MUC13: variants seen among roughly 807,000 people sequenced by gnomAD.
MUC13 encodes mucin-13.
Under a neutral mutation model 48.3 loss-of-function variants are expected in MUC13, and 32 were observed. That is an observed-to-expected ratio of 0.66 (90% CI 0.50 to 0.89). MUC13 has a LOEUF of 0.89. MUC13 is among the 40% of genes least tolerant of loss of function. The probability of loss-of-function intolerance (pLI) is 0.00; values close to 1 mark genes in which losing one functional copy is unlikely to be tolerated. For missense variants in MUC13, 571 were observed against 622.8 expected (o/e 0.92, Z 0.88); for synonymous variants, 199 against 224.9 (o/e 0.88, Z 1.03).
intron 1 of MUC13, among the ~76,000 whole-genome samples, chr3:124,932,394 C>T (rs1935813427): frequency 6.6e-6 from 1 of 151,912 alleles, no homozygotes; most frequent in Non-Finnish European, 1.5e-5. Context: ...GGTGAAACCC[C>T]ATCTCTACTA....
chr3:124,907,167 T>C (rs1935332594), intron 11 of MUC13, among the ~76,000 whole-genome samples: 1 of 152,206 alleles, frequency 6.6e-6, no homozygotes, highest in Non-Finnish European at 1.5e-5. Context: ...TAAAAAGCTA[T>C]CTTTTATTAT....
At chr3:124,928,155 G>A (rs12493443) in intron 1 of MUC13, among the ~76,000 whole-genome samples, 162 bp from the exon 2 acceptor site, 64,572 of 150,044 alleles carry the variant, frequency 0.43, 13,905 homozygotes, top group South Asian at 0.47. Context: ...GGCTCAAGCA[G>A]TCCACCCTCC....
At chr3:124,907,386 C>G (rs1935335895) in intron 11 of MUC13, among the ~76,000 whole-genome samples, 1 of 152,094 alleles carries the variant, frequency 6.6e-6, no homozygotes, top group East Asian at 1.9e-4. Context: ...AAGGACGAGG[C>G]GAGAGGATCA....
intron 3 of MUC13, among the ~76,000 whole-genome samples, chr3:124,922,861 C>T (rs141725913): frequency 2.6e-3 from 397 of 151,996 alleles, no homozygotes; most frequent in African/African-American, 9.0e-3. Context: ...GGACTTAGTG[C>T]TTTTAATTAT....
At chr3:124,929,284 C>T (rs747901963) in intron 1 of MUC13, among the ~76,000 whole-genome samples, 101 of 151,910 alleles carry the variant, frequency 6.6e-4, no homozygotes, top group Non-Finnish European at 2.5e-4. Flanking sequence ...TCAAGTGATC[C>T]TCCCACCTTG....
intron 2 of MUC13, among the ~76,000 whole-genome samples, chr3:124,926,644 C>T (rs1005219393): frequency 3.3e-5 from 5 of 152,132 alleles, no homozygotes; most frequent in Admixed American, 3.3e-4. Flanking sequence ...TCACTGGGTC[C>T]CAGATTTCCC....
Position 124,910,433 on chromosome 3 carries a change from G to A in MUC13, c.1319C>T (p.Ala440Val), listed in dbSNP as rs1283310082. The change falls in exon 10 of 12, where the codon GCA becomes GTA. Residue 440 changes from alanine to valine, a missense_variant. Transcript: ENST00000616727. ...AGIVILSMII[A>V]LIVTARSNNK... ...CCCATACCTTGCTGTGACAATCAAT[G>A]CAATTATCATGCTGAGAATGACAAT... is the stretch of plus-strand genomic sequence containing the variant. The A allele has an allele frequency of 1.9e-6, 3 of 1,613,992 alleles. No individual in the cohort carries two copies. The highest frequency in any genetic ancestry group is 1.3e-5 in the African/African-American group (1 of 75,040).
intron 11 of MUC13, among the ~76,000 whole-genome samples, chr3:124,907,700 G>C (rs1935340577): frequency 6.6e-6 from 1 of 151,716 alleles, no homozygotes; most frequent in Non-Finnish European, 1.5e-5. Flanking sequence ...AGATCAAGCG[G>C]CAGGGAAAGA....
intron 5 of MUC13, among the ~76,000 whole-genome samples, chr3:124,919,970 T>C (rs1457756830): frequency 2.0e-5 from 3 of 152,226 alleles, no homozygotes; most frequent in Non-Finnish European, 4.4e-5. Flanking sequence ...GATGATGTCC[T>C]GGACCATGTG....
chr3:124,929,170 C>CTTTTTTTTTTTTTT (rs1238533365), intron 1 of MUC13, among the ~76,000 whole-genome samples: 2 of 134,400 alleles, frequency 1.5e-5, no homozygotes, highest in African/African-American at 2.8e-5. Context: ...TTCCCCCACT[C>CTTTTTTTTTTTTTT]TTTTATTTTA....
chr3:124,932,082 T>C (rs1301160237), intron 1 of MUC13, among the ~76,000 whole-genome samples: 1 of 152,110 alleles, frequency 6.6e-6, no homozygotes, highest in African/African-American at 2.4e-5. Context: ...AATATTTTTT[T>C]CAAAAGCAAA....
intron 1 of MUC13, among the ~76,000 whole-genome samples, chr3:124,930,483 C>G (rs1392259538): frequency 1.3e-5 from 2 of 152,024 alleles, no homozygotes. Context: ...TAAAAATACC[C>G]AAGAGGAACT....
At chr3:124,933,247 C>G (rs1434869839) in intron 1 of MUC13, among the ~76,000 whole-genome samples, 1 of 152,200 alleles carries the variant, frequency 6.6e-6, no homozygotes, top group South Asian at 2.1e-4. Flanking sequence ...TTATCAAATA[C>G]TTTCTTCCTT....
At chr3:124,922,591 C>CTTTT (rs1242125220) in intron 3 of MUC13, among the ~76,000 whole-genome samples, 27 of 85,422 alleles carry the variant, frequency 3.2e-4, no homozygotes, top group Middle Eastern at 8.8e-3. Flanking sequence ...GTTGCCTAGT[C>CTTTT]TTTTTTTTTT....
intron 2 of MUC13, among the ~76,000 whole-genome samples, chr3:124,924,818 A>T (rs767523507): frequency 1.2e-4 from 18 of 152,180 alleles, no homozygotes; most frequent in Non-Finnish European, 2.4e-4. Flanking sequence ...TTTATTAAAA[A>T]ATAAAAAGTA....
intron 8 of MUC13, among the ~76,000 whole-genome samples, chr3:124,912,840 G>A (rs1010341701): frequency 6.6e-6 from 1 of 151,174 alleles, no homozygotes; most frequent in Non-Finnish European, 1.5e-5. Flanking sequence ...GGAGGCTGAG[G>A]CAGGAGAATC....
chr3:124,916,601 T>A, intron 5 of MUC13, 121 bp from the exon 6 acceptor site: 1 of 1,045,162 alleles, frequency 9.6e-7, no homozygotes, highest in Non-Finnish European at 1.4e-6. Flanking sequence ...GTCCCTATGA[T>A]TCGGACCCAC....
chr3:124,913,050 G>A, intron 8 of MUC13, 61 bp downstream of exon 8: 1 of 1,584,162 alleles, frequency 6.3e-7, no homozygotes, highest in South Asian at 1.2e-5. Flanking sequence ...CGTGTTGTAA[G>A]GTCTCTCTAC....
Position 124,905,851 on chromosome 3 carries a change from G to A in MUC13, c.*892C>T, listed in dbSNP as rs1478191474. ...AAACCTTCTCCCAGCCAGTCTTCGG[G>A]AGGGCATGATTAGAGAAGTGCTCCT... On this transcript the variant is annotated 3_prime_UTR_variant, in exon 12 of 12. Coordinates refer to ENST00000616727, the MANE Select transcript of MUC13 (RefSeq NM_033049.4). The A allele has an allele frequency of 6.6e-6, 1 of 152,380 alleles. No homozygotes were observed. The highest frequency in any genetic ancestry group is 1.5e-5 in the Non-Finnish European group (1 of 68,050). 9.4% of individuals were successfully genotyped at this position (152,380 alleles called of 1,614,324 possible). A position where few individuals can be genotyped will look rare whatever the true frequency, so the allele number is the denominator to read the frequency against.
Sources: allele counts gnomAD v4.1 joint callset (sites outside exome capture counted in the v4.1 genomes callset), GRCh38; gene constraint gnomAD v4.1.1; transcripts MANE v1.5; gene names NCBI Gene and HGNC (gene_info 2026-07-23, HGNC 2026-07-21).